XRCC4: variants seen among roughly 807,000 people sequenced by gnomAD.
XRCC4 encodes X-ray repair cross complementing 4, also known as DNA repair protein XRCC4.
Under a neutral mutation model 39.1 loss-of-function variants are expected in XRCC4, and 28 were observed. That is an observed-to-expected ratio of 0.72 (90% CI 0.53 to 0.98). The LOEUF (loss-of-function observed/expected upper bound fraction) is 0.98. Ranked by LOEUF, XRCC4 falls within the 50% of genes least tolerant of loss-of-function variation. The pLI is 0.00. For missense variants in XRCC4, 350 were observed against 376.4 expected (o/e 0.93, Z 0.58); for synonymous variants, 123 against 126.4 (o/e 0.97, Z 0.18).
intron 6 of XRCC4, among the ~76,000 whole-genome samples, chr5:83,255,936 C>T (rs1470676612): frequency 6.6e-6 from 1 of 152,082 alleles, no homozygotes; most frequent in Non-Finnish European, 1.5e-5. Flanking sequence ...ATTTTTACAC[C>T]TTGTCCATAA....
At chr5:83,153,928 T>C (rs911519414) in intron 3 of XRCC4, among the ~76,000 whole-genome samples, 2 of 152,210 alleles carry the variant, frequency 1.3e-5, no homozygotes, top group Non-Finnish European at 1.5e-5. Context: ...TGTATATGTA[T>C]TTTTACAACT....
At chr5:83,336,240 C>T (rs1046122087) in intron 7 of XRCC4, among the ~76,000 whole-genome samples, 3 of 152,158 alleles carry the variant, frequency 2.0e-5, no homozygotes, top group African/African-American at 7.2e-5. Flanking sequence ...AGGGAAATAA[C>T]GATCAGACTG....
chr5:83,333,039 CT>C (rs1377022757), intron 7 of XRCC4, among the ~76,000 whole-genome samples: 3 of 152,072 alleles, frequency 2.0e-5, no homozygotes. Context: ...ACATTTAATA[CT>C]TGTGGACAGC....
rs1225850304 is a variant in XRCC4, at chr5:83,309,296, AATATAT to A, written c.894-43815_894-43810del. 4.1e-3 allele frequency among the ~76,000 whole-genome samples: 299 copies of A among 72,152 alleles called. 1 individual carries two copies. Among genetic ancestry groups the A allele is most frequent in the Middle Eastern group, 0.028 (2 of 72 alleles). The allele number at this position is 72,152 out of a possible 152,430, so 47.3% of individuals were successfully genotyped here. A position where few individuals can be genotyped will look rare whatever the true frequency, so the allele number is the denominator to read the frequency against. ...AAAAAAAAAAAAAAAAAAAAAAAAA[AATATAT>A]ATATATATATATATATATAGGCTAT... On this transcript the variant is annotated intron_variant, in intron 7 of 7. Transcript: ENST00000396027.
At chr5:83,312,409 C>A (rs937997779) in intron 7 of XRCC4, among the ~76,000 whole-genome samples, 1 of 152,156 alleles carries the variant, frequency 6.6e-6, no homozygotes, top group Non-Finnish European at 1.5e-5. Flanking sequence ...TATAGAATTA[C>A]TTTCTAAGCA....
At chr5:83,119,611 A>G (rs1279498970) in intron 3 of XRCC4, among the ~76,000 whole-genome samples, 1 of 152,138 alleles carries the variant, frequency 6.6e-6, no homozygotes. Context: ...TGCTTCAATA[A>G]TAAATATTTT....
intron 3 of XRCC4, among the ~76,000 whole-genome samples, chr5:83,143,003 T>G (rs1748257659): frequency 6.6e-6 from 1 of 152,174 alleles, no homozygotes; most frequent in African/African-American, 2.4e-5. Context: ...TATATAGGTG[T>G]TCCTTTACAC....
intron 3 of XRCC4, among the ~76,000 whole-genome samples, chr5:83,126,249 G>C (rs1747257836): frequency 6.6e-6 from 1 of 152,056 alleles, no homozygotes; most frequent in Non-Finnish European, 1.5e-5. Flanking sequence ...TTATGCCTAA[G>C]TATTTCAGTC....
intron 6 of XRCC4, among the ~76,000 whole-genome samples, chr5:83,219,205 T>G (rs1751988585): frequency 6.6e-6 from 1 of 152,190 alleles, no homozygotes; most frequent in South Asian, 2.1e-4. Flanking sequence ...CCTAATGACC[T>G]CATTTTAACT....
intron 7 of XRCC4, among the ~76,000 whole-genome samples, chr5:83,339,791 C>A (rs2112196251): frequency 6.6e-6 from 1 of 152,300 alleles, no homozygotes; most frequent in South Asian, 2.1e-4. Context: ...TCTTTAACAA[C>A]CAGCCTTGCT....
At chr5:83,164,809 C>T (rs554890511) in intron 3 of XRCC4, among the ~76,000 whole-genome samples, 7 of 151,972 alleles carry the variant, frequency 4.6e-5, no homozygotes, top group Non-Finnish European at 8.8e-5. Context: ...AGTAAGGGTA[C>T]ATCTGTGAAT....
At chr5:83,258,943 C>CA (rs879805927) in intron 7 of XRCC4, 1 of 351,978 alleles carries the variant, frequency 2.8e-6, no homozygotes, top group Non-Finnish European at 5.2e-6. Context: ...ATGTAGGATA[C>CA]AAAAAATATT....
chr5:83,258,692 T>C lies in XRCC4; in HGVS notation c.893+15T>C, dbSNP rs1224869984. ...GAAAAGGAAAAGTAAGTCATTTTAT[T>C]CTTTGCCAAGAAGTGAGATGACATT... On this transcript the variant is annotated intron_variant, in intron 7 of 7. Coordinates refer to ENST00000396027, the MANE Select transcript of XRCC4 (RefSeq NM_003401.5). 1 of 1,608,248 alleles carries C rather than the reference T, an allele frequency of 6.2e-7. No homozygotes were observed.
intron 2 of XRCC4, 59 bp downstream of exon 2, chr5:83,105,117 C>G: frequency 6.7e-7 from 1 of 1,496,332 alleles, no homozygotes; most frequent in Non-Finnish European, 9.0e-7. Context: ...CTTCAGTCCT[C>G]AGGGATACTT....
rs980230150 is a variant in XRCC4, at chr5:83,323,188, T to C, written c.894-29943T>C. ...CAAAAATGCAGAAACCAAAAAAATA[T>C]GGTGAGTTTTATAATGCAAAATGGT... On this transcript the variant is annotated intron_variant, in intron 7 of 7. Coordinates refer to ENST00000396027, the MANE Select transcript of XRCC4 (RefSeq NM_003401.5). Among the ~76,000 whole-genome samples the C allele has an allele frequency of 2.0e-5, 3 of 152,168 alleles. No homozygotes were observed. The East Asian group carries it at 5.8e-4, about 29-fold the overall frequency.
chr5:83,218,073 T>TATATATATATATATAG (rs1425769390), intron 6 of XRCC4, among the ~76,000 whole-genome samples: 28 of 150,524 alleles, frequency 1.9e-4, no homozygotes, highest in African/African-American at 6.8e-4. Context: ...TATATATATA[T>TATATATATATATATAG]ATATATTTAT....
At chr5:83,290,198 T>C (rs1754870129) in intron 7 of XRCC4, among the ~76,000 whole-genome samples, 2 of 151,990 alleles carry the variant, frequency 1.3e-5, no homozygotes, top group East Asian at 1.9e-4. Flanking sequence ...TAATTGACTT[T>C]CAGTTTGTTC....
intron 3 of XRCC4, among the ~76,000 whole-genome samples, chr5:83,187,600 T>C (rs1464221233): frequency 6.6e-6 from 1 of 152,142 alleles, no homozygotes; most frequent in African/African-American, 2.4e-5. Flanking sequence ...AGAGATGAGA[T>C]TGGCACGGTA....
intron 7 of XRCC4, among the ~76,000 whole-genome samples, chr5:83,299,818 A>C (rs934773663): frequency 6.6e-6 from 1 of 152,056 alleles, no homozygotes; most frequent in Non-Finnish European, 1.5e-5. Context: ...TTTAAGTATC[A>C]TCAACATGGT....
Sources: gnomAD v4.1 joint callset for allele counts (sites outside exome capture counted in the v4.1 genomes callset) on GRCh38, gnomAD v4.1.1 for gene constraint, MANE v1.5 for transcripts, NCBI Gene and HGNC (gene_info 2026-07-23, HGNC 2026-07-21) for gene names.